The following MRTFB variants were observed in gnomAD, a reference collection of about 807,000 sequenced individuals.
MRTFB encodes myocardin-related transcription factor B.
Under a neutral mutation model 104.2 loss-of-function variants are expected in MRTFB, and 29 were observed. The ratio of observed to expected loss-of-function variants is 0.28; its 90% CI spans 0.21 to 0.38. The LOEUF is 0.38. Among genes scored for constraint, MRTFB ranks in the 10% least tolerant of loss-of-function variants. MRTFB has a pLI of 1.00. For missense variants in MRTFB, 1,270 were observed against 1,341.6 expected (o/e 0.95, Z 0.83); for synonymous variants, 535 against 519.5 (o/e 1.03, Z -0.41).
intron 3 of MRTFB, chr16:14,187,143 C>T: frequency 1.2e-6 from 1 of 856,626 alleles, no homozygotes; most frequent in Non-Finnish European, 1.8e-6. Flanking sequence ...TCTGTTCACT[C>T]ATGTACCTTA....
the MRTFB span, among the ~76,000 whole-genome samples, chr16:14,017,711 A>ATATATATATATATATATATTTTTT: frequency 3.0e-5 from 1 of 33,612 alleles, no homozygotes; most frequent in Non-Finnish European, 5.0e-5. Flanking sequence ...ATATATATAT[A>ATATATATATATATATATATTTTTT]TTTTTTTTTT....
intron 10 of MRTFB, among the ~76,000 whole-genome samples, chr16:14,242,216 C>G (rs1356685366): frequency 2.6e-5 from 4 of 152,188 alleles, no homozygotes; most frequent in Admixed American, 2.6e-4. Flanking sequence ...GGCTGTGCGA[C>G]TGGCTTTGTA....
chr16:14,024,719 A>G, the MRTFB span, among the ~76,000 whole-genome samples: 2 of 152,230 alleles, frequency 1.3e-5, no homozygotes, highest in Non-Finnish European at 2.9e-5. Flanking sequence ...GGTGCAAGAA[A>G]TAAGTGTAAA....
In MRTFB at chr16:14,246,622, T is replaced by G. The variant is rs1322239644; in HGVS notation, c.1362T>G (p.Ile454Met). ...TCGTGGCAGTGTCATCATCAGCCAT[T>G]GTCACCAGTAACCCAGAAGTCACTG... Reference protein sequence around the residue: ...GGIVAVSSSAIVTSNPEVTVA... With the variant: ...GGIVAVSSSAMVTSNPEVTVA... The change falls in exon 12 of 17, where the codon ATT (isoleucine) becomes ATG (methionine). Residue 454 changes from isoleucine (I) to methionine (M), a missense_variant. By Grantham distance (10) the Ile-to-Met change is conservative. This residue lies in a region of MRTFB where 1,144 missense variants were observed against 1,131.5 expected (regional missense o/e 1.01). Transcript: ENST00000571589. 2 of 1,614,142 alleles carry G rather than the reference T, an allele frequency of 1.2e-6. No individual in the cohort carries two copies. Among genetic ancestry groups the G allele is most frequent in the East Asian group, 4.5e-5 (2 of 44,870 alleles).
At chr16:14,071,923 G>C (rs570788300) in intron 1 of MRTFB, among the ~76,000 whole-genome samples, 6 of 152,208 alleles carry the variant, frequency 3.9e-5, no homozygotes, top group Admixed American at 3.3e-4. Context: ...GGGTTTCTTG[G>C]GAGAGAGTTT....
At chr16:14,081,966 C>T (rs1392495391) in intron 2 of MRTFB, among the ~76,000 whole-genome samples, 1 of 152,160 alleles carries the variant, frequency 6.6e-6, no homozygotes, top group Non-Finnish European at 1.5e-5. Flanking sequence ...GTATAGTTTG[C>T]AGATATTTTC....
chr16:14,069,338 G>T (rs573993233), upstream of MRTFB, among the ~76,000 whole-genome samples: 1 of 151,022 alleles, frequency 6.6e-6, no homozygotes, highest in Non-Finnish European at 1.5e-5. Context: ...CTGTAGCCTC[G>T]AACTGAGAGT....
At chr16:14,057,122 CA>C in the MRTFB span, among the ~76,000 whole-genome samples, 1 of 152,170 alleles carries the variant, frequency 6.6e-6, no homozygotes, top group Non-Finnish European at 1.5e-5. Flanking sequence ...GCACTAATTA[CA>C]CATTTTATAC....
the MRTFB span, among the ~76,000 whole-genome samples, chr16:14,008,019 G>C: frequency 1.3e-5 from 2 of 152,116 alleles, no homozygotes; most frequent in African/African-American, 4.8e-5. Flanking sequence ...CTCTCATTCT[G>C]TGGGTTGTCT....
At chr16:14,078,210 G>A (rs561785491) in intron 1 of MRTFB, among the ~76,000 whole-genome samples, 1 of 152,158 alleles carries the variant, frequency 6.6e-6, no homozygotes, top group East Asian at 1.9e-4. Flanking sequence ...TTGATGAACT[G>A]TAAACTCTGT....
At chr16:14,245,463 A>T (rs1367933791) in intron 10 of MRTFB, 65 bp from the exon 11 acceptor site, 56 of 1,417,662 alleles carry the variant, frequency 4.0e-5, no homozygotes, top group Non-Finnish European at 5.3e-5. Flanking sequence ...CAAATTGTTA[A>T]TAGAAGCAAT....
Position 14,265,254 on chromosome 16 carries a change from C to T in MRTFB, c.*3810C>T, listed in dbSNP as rs1851764765. ...CAATTTAACCAAATTCACAAATAACCCTCCATTTTTCAATATCTGCTACTG... is the reference window on the plus strand; with the variant it reads ...CAATTTAACCAAATTCACAAATAACTCTCCATTTTTCAATATCTGCTACTG... On this transcript the variant is annotated 3_prime_UTR_variant, in exon 17 of 17. Transcript: ENST00000571589. 6.6e-6 allele frequency: 1 copy of T among 152,096 alleles called. No individual in the cohort carries two copies. The highest frequency in any genetic ancestry group is 2.4e-5 in the African/African-American group (1 of 41,410). The allele number at this position is 152,096 out of a possible 1,614,324, so 9.4% of individuals were successfully genotyped here. A position where few individuals can be genotyped will look rare whatever the true frequency, so the allele number is the denominator to read the frequency against.
At chr16:13,999,460 G>A in the MRTFB span, among the ~76,000 whole-genome samples, 1 of 148,138 alleles carries the variant, frequency 6.8e-6, no homozygotes, top group East Asian at 2.0e-4. Flanking sequence ...CCCAGTCAGA[G>A]CCAGTGAAAC....
rs200315248 is a variant in MRTFB, at chr16:14,252,427, C to T, written c.2628C>T (p.Val876=). The T allele has an allele frequency of 3.0e-5, 48 of 1,613,834 alleles. 1 individual carries two copies. The highest frequency in any genetic ancestry group is 2.4e-4 in the African/African-American group (18 of 74,924). ...AGCACTCTCTATTTGGGAGTCCAGT[C>T]GCCAAGACAAAAGATCCCCCCCGCT... ...VVQHSLFGSP[V]AKTKDPPRYE... The change falls in exon 15 of 17, where the codon GTC becomes GTT. Residue 876 remains valine (V), a synonymous_variant. Transcript: ENST00000571589.
chr16:14,086,512 A>G (rs910683161), intron 2 of MRTFB, among the ~76,000 whole-genome samples: 6 of 152,218 alleles, frequency 3.9e-5, no homozygotes, highest in Non-Finnish European at 8.8e-5. Flanking sequence ...ACTTGAAATA[A>G]TTGAGTCTTC....
chr16:14,190,318 C>G (rs542415458), intron 3 of MRTFB, among the ~76,000 whole-genome samples: 1 of 152,328 alleles, frequency 6.6e-6, no homozygotes, highest in South Asian at 2.1e-4. Context: ...CAAACATTCT[C>G]TGATTACACT....
In MRTFB at chr16:14,247,512, G is replaced by C. The variant is rs1352028163; in HGVS notation, c.2247+5G>C. On this transcript the variant is annotated splice_donor_5th_base_variant and intron_variant, in intron 12 of 16. Coordinates refer to ENST00000571589, the MANE Select transcript of MRTFB (RefSeq NM_001308142.2). ...GTAGGCAGCCTCAAACTCCAGGTGT[G>C]AAGTGTGTCTTCTAACTACTTTGCC... 1 of 1,541,562 alleles carries C rather than the reference G, an allele frequency of 6.5e-7. No individual in the cohort carries two copies. Among genetic ancestry groups the C allele is most frequent in the Non-Finnish European group, 8.7e-7 (1 of 1,148,568 alleles).
intron 3 of MRTFB, chr16:14,143,704 A>AGT (rs2038144192): frequency 6.6e-6 from 1 of 152,032 alleles, no homozygotes; most frequent in Non-Finnish European, 1.5e-5. Context: ...ACCATTCACA[A>AGT]AACAGTTTTT....
At chr16:14,129,289 A>T (rs948607864) in intron 2 of MRTFB, among the ~76,000 whole-genome samples, 3 of 141,050 alleles carry the variant, frequency 2.1e-5, no homozygotes, top group Admixed American at 2.0e-4. Context: ...CATAAGATTC[A>T]CTTATTTAAA....
Sources: allele counts gnomAD v4.1 joint callset (sites outside exome capture counted in the v4.1 genomes callset), GRCh38; gene constraint gnomAD v4.1.1; regional missense constraint gnomAD v4.1.1; transcripts MANE v1.5; gene names NCBI Gene and HGNC (gene_info 2026-07-23, HGNC 2026-07-21).